Variants in CCDC69 observed in about 807,000 individuals in gnomAD.
CCDC69 encodes coiled-coil domain-containing protein 69.
CCDC69 carries 38 observed loss-of-function variants against 40.3 expected under a neutral mutation model. The ratio of observed to expected loss-of-function variants is 0.94; its 90% CI spans 0.73 to 1.24. CCDC69 has a LOEUF of 1.24. CCDC69 is among the 50% of genes most tolerant of loss of function. The pLI is 0.00. For synonymous variants in CCDC69, 141 were observed against 138.9 expected (o/e 1.02, Z -0.11); for missense variants, 389 against 357.9 (o/e 1.09, Z -0.70).
At chr5:151,214,445 C>T (rs1012593476) in intron 1 of CCDC69, among the ~76,000 whole-genome samples, 6 of 152,136 alleles carry the variant, frequency 3.9e-5, no homozygotes, top group Non-Finnish European at 7.4e-5. Flanking sequence ...TCAGACAGAA[C>T]ACCATAAATA....
chr5:151,207,211 C>A (rs796288691), intron 1 of CCDC69, among the ~76,000 whole-genome samples: 8 of 152,104 alleles, frequency 5.3e-5, no homozygotes, highest in African/African-American at 1.9e-4. Context: ...AGCCACTGTA[C>A]CTGGCCAAAT....
chr5:151,185,914 G>A (rs1046548450), intron 6 of CCDC69, 109 bp downstream of exon 6: 5 of 764,112 alleles, frequency 6.5e-6, no homozygotes, highest in Non-Finnish European at 1.2e-5. Context: ...GTAGGTAAGA[G>A]TGCCAGGTCT....
chr5:151,216,121 G>A (rs1753034917), intron 1 of CCDC69, among the ~76,000 whole-genome samples: 1 of 152,096 alleles, frequency 6.6e-6, no homozygotes, highest in Non-Finnish European at 1.5e-5. Context: ...ACCATGCCCA[G>A]CTAATTTTTG....
At chr5:151,201,513 A>G (rs1752775842) in intron 3 of CCDC69, 69 bp downstream of exon 3, 6 of 1,003,808 alleles carry the variant, frequency 6.0e-6, no homozygotes, top group African/African-American at 1.6e-5. Flanking sequence ...TAAGGTAGGC[A>G]CTCACTCTGG....
intron 4 of CCDC69, among the ~76,000 whole-genome samples, chr5:151,194,406 C>A (rs1752665046): frequency 6.6e-6 from 1 of 152,042 alleles, no homozygotes; most frequent in Non-Finnish European, 1.5e-5. Flanking sequence ...ATGAAGGAAG[C>A]CAATATAAAA....
intron 4 of CCDC69, among the ~76,000 whole-genome samples, chr5:151,198,307 T>G (rs1181000612): frequency 1.4e-4 from 20 of 145,602 alleles, no homozygotes; most frequent in Non-Finnish European, 1.2e-4. Context: ...TCTATCTATC[T>G]ATCTATCTAT....
At chr5:151,203,199 C>T (rs542546953) in intron 2 of CCDC69, among the ~76,000 whole-genome samples, 35 of 152,110 alleles carry the variant, frequency 2.3e-4, no homozygotes, top group Non-Finnish European at 3.8e-4. Flanking sequence ...CCACCTTATC[C>T]TGCTTGCTTG....
chr5:151,202,895 G>T (rs248457), intron 2 of CCDC69, among the ~76,000 whole-genome samples: 54,258 of 151,956 alleles, frequency 0.36, 9,794 homozygotes, highest in African/African-American at 0.4. Flanking sequence ...GTGAGGCTGA[G>T]ATGATTAAAT....
intron 8 of CCDC69, 60 bp from the exon 9 acceptor site, chr5:151,183,674 C>G: frequency 6.8e-7 from 1 of 1,478,698 alleles, no homozygotes; most frequent in Non-Finnish European, 9.1e-7. Flanking sequence ...AGAGACCAAC[C>G]CATTCCCCCA....
chr5:151,200,034 T>G (rs770314104), intron 3 of CCDC69, among the ~76,000 whole-genome samples: 1 of 152,138 alleles, frequency 6.6e-6, no homozygotes, highest in Non-Finnish European at 1.5e-5. Flanking sequence ...TCCCCGCACA[T>G]AGTAATCTCC....
Position 151,199,039 on chromosome 5 carries a change from G to C in CCDC69, c.277C>G (p.Gln93Glu), listed in dbSNP as rs763749623. The C allele has an allele frequency of 1.4e-5, 22 of 1,613,964 alleles. No homozygotes were observed. The Admixed American group carries it at 3.5e-4, about 26-fold the overall frequency. ...ELELRDRLDEQQRVLEGKNEE... is the reference protein window; with the variant it reads ...ELELRDRLDEEQRVLEGKNEE... Reference sequence around the variant, plus strand: ...TTCTTTCCTTCCAGGACCCTTTGCTGCTCATCCAGTCTGTCTCGAAGCTCT... The same window carrying C: ...TTCTTTCCTTCCAGGACCCTTTGCTCCTCATCCAGTCTGTCTCGAAGCTCT... Residue 93 changes from glutamine (Q) to glutamate (E), a missense_variant, in exon 4 of 9, where the codon CAG becomes GAG. Coordinates refer to ENST00000355417, the MANE Select transcript of CCDC69 (RefSeq NM_015621.3).
chr5:151,185,862 C>T (rs947122238), intron 6 of CCDC69, among the ~76,000 whole-genome samples, 161 bp downstream of exon 6: 2 of 152,128 alleles, frequency 1.3e-5, no homozygotes, highest in African/African-American at 2.4e-5. Context: ...CCTTAATTTT[C>T]CCATCGGTGA....
At chr5:151,204,611 T>G (rs1752827748) in intron 2 of CCDC69, among the ~76,000 whole-genome samples, 1 of 152,206 alleles carries the variant, frequency 6.6e-6, no homozygotes, top group Non-Finnish European at 1.5e-5. Context: ...TCATCTTTCT[T>G]CTCCATTAGG....
At chr5:151,223,371 C>A (rs183234352) in intron 1 of CCDC69, among the ~76,000 whole-genome samples, 1 of 152,362 alleles carries the variant, frequency 6.6e-6, no homozygotes, top group East Asian at 1.9e-4. Flanking sequence ...AGCCCTAAGA[C>A]CAGCGCCTCA....
At chr5:151,188,677 CAATATATAATATTTATA>C (rs943901205) in intron 4 of CCDC69, among the ~76,000 whole-genome samples, 8 of 150,908 alleles carry the variant, frequency 5.3e-5, no homozygotes, top group East Asian at 1.9e-4. Context: ...AAGAATTTAT[CAATATATAATATTTATA>C]AATATATAAT....
intron 4 of CCDC69, among the ~76,000 whole-genome samples, chr5:151,196,641 G>C (rs1582043073): frequency 6.6e-6 from 1 of 152,228 alleles, no homozygotes. Flanking sequence ...ACAGAATTAG[G>C]CATTAGGGAA....
Position 151,182,838 on chromosome 5 carries a change from C to G in CCDC69, c.*599G>C. ...TGTCAGCCCCAAGGGCCTTCAGAGA[C>G]CCCCTCTCTACCACTCACCTTCCCC... On this transcript the variant is annotated 3_prime_UTR_variant, in exon 9 of 9. Coordinates refer to ENST00000355417, the MANE Select transcript of CCDC69 (RefSeq NM_015621.3). 2.8e-6 allele frequency: 1 copy of G among 351,314 alleles called. No individual in the cohort carries two copies. Among genetic ancestry groups the G allele is most frequent in the South Asian group, 2.1e-5 (1 of 47,252 alleles). The allele number at this position is 351,314 out of a possible 1,614,324, so 21.8% of individuals were successfully genotyped here. A position where few individuals can be genotyped will look rare whatever the true frequency, so the allele number is the denominator to read the frequency against.
At chr5:151,204,633 A>T (rs1055518913) in intron 2 of CCDC69, among the ~76,000 whole-genome samples, 2 of 152,216 alleles carry the variant, frequency 1.3e-5, no homozygotes, top group African/African-American at 2.4e-5. Flanking sequence ...CACTTCAGAC[A>T]TGTGGAGAAA....
intron 1 of CCDC69, chr5:151,212,895 C>T (rs1041591256): frequency 4.4e-6 from 2 of 456,104 alleles, no homozygotes; most frequent in African/African-American, 2.0e-5. Context: ...AACTGGTAGG[C>T]TGCCTCATTG....
Sources: gnomAD v4.1 joint callset for allele counts (sites outside exome capture counted in the v4.1 genomes callset) on GRCh38, gnomAD v4.1.1 for gene constraint, MANE v1.5 for transcripts, NCBI Gene and HGNC (gene_info 2026-07-23, HGNC 2026-07-21) for gene names.